The following NAALADL2 variants were observed in gnomAD, a reference collection of about 807,000 sequenced individuals.
NAALADL2 encodes the protein N-acetylated alpha-linked acidic dipeptidase like 2, also known as inactive N-acetylated-alpha-linked acidic dipeptidase-like protein 2.
A neutral mutation model predicts 87.2 loss-of-function variants in NAALADL2; 76 were observed. That is an observed-to-expected ratio of 0.87 (90% confidence interval 0.72 to 1.05). The LOEUF (loss-of-function observed/expected upper bound fraction) is 1.05. Ranked by LOEUF, NAALADL2 falls within the 50% of genes least tolerant of loss-of-function variation. The pLI is 0.00. For missense variants in NAALADL2, 1,089 were observed against 945.8 expected (o/e 1.15, Z -1.99); for synonymous variants, 354 against 331.0 (o/e 1.07, Z -0.75).
intron 1 of NAALADL2, among the ~76,000 whole-genome samples, chr3:174,478,106 T>A (rs1215381579): frequency 6.6e-6 from 1 of 152,188 alleles, no homozygotes; most frequent in Non-Finnish European, 1.5e-5. Context: ...CCAATTATGA[T>A]ACAAAATTTA....
chr3:175,089,266 C>T (rs1719634957), intron 1 of NAALADL2, among the ~76,000 whole-genome samples: 1 of 152,196 alleles, frequency 6.6e-6, no homozygotes, highest in African/African-American at 2.4e-5. Context: ...ACCCTGGAGA[C>T]TCCTGGTGCT....
intron 5 of NAALADL2, among the ~76,000 whole-genome samples, chr3:175,336,501 G>T (rs1205781852): frequency 6.6e-6 from 1 of 152,110 alleles, no homozygotes; most frequent in Non-Finnish European, 1.5e-5. Flanking sequence ...AGCTTTTGCA[G>T]ATTTTGTAGC....
At chr3:174,939,002 CTTAAGT>C (rs1738161147) in intron 1 of NAALADL2, among the ~76,000 whole-genome samples, 1 of 152,054 alleles carries the variant, frequency 6.6e-6, no homozygotes, top group South Asian at 2.1e-4. Flanking sequence ...TGCAGAAGCT[CTTAAGT>C]TTAATTAGAT....
At chr3:175,548,013 G>C (rs1173128074) in intron 9 of NAALADL2, among the ~76,000 whole-genome samples, 2 of 151,974 alleles carry the variant, frequency 1.3e-5, no homozygotes, top group African/African-American at 2.4e-5. Context: ...AAGATCTAAA[G>C]ATAGAAATAC....
At chr3:175,735,710 T>C (rs1472707827) in intron 11 of NAALADL2, among the ~76,000 whole-genome samples, 2 of 152,124 alleles carry the variant, frequency 1.3e-5, no homozygotes, top group Non-Finnish European at 1.5e-5. Context: ...GCCCCCATGA[T>C]TCAGTCATCT....
At chr3:174,987,691 A>T (rs1746124352) in intron 1 of NAALADL2, among the ~76,000 whole-genome samples, 1 of 145,708 alleles carries the variant, frequency 6.9e-6, no homozygotes, top group Admixed American at 6.9e-5. Flanking sequence ...TAGTGACGTG[A>T]TCATAGCTCA....
chr3:175,661,182 G>T (rs913653631), intron 11 of NAALADL2, among the ~76,000 whole-genome samples: 2 of 151,928 alleles, frequency 1.3e-5, no homozygotes, highest in African/African-American at 4.8e-5. Flanking sequence ...TTTGATAATA[G>T]CTATTCTAAC....
intron 9 of NAALADL2, among the ~76,000 whole-genome samples, chr3:175,502,084 A>G (rs1039274144): frequency 1.3e-5 from 2 of 152,268 alleles, no homozygotes; most frequent in Admixed American, 6.5e-5. Flanking sequence ...ATAAAAGCAC[A>G]TTGTGGGGAA....
At chr3:175,498,825 A>G (rs1729158689) in intron 9 of NAALADL2, among the ~76,000 whole-genome samples, 2 of 152,096 alleles carry the variant, frequency 1.3e-5, no homozygotes, top group African/African-American at 2.4e-5. Context: ...GTATTTAGAT[A>G]GGGTCTTTAA....
chr3:175,432,229 A>C (rs1404742279), intron 5 of NAALADL2, among the ~76,000 whole-genome samples: 1 of 152,012 alleles, frequency 6.6e-6, no homozygotes, highest in African/African-American at 2.4e-5. Context: ...TATAAAGTGT[A>C]AAAATGGAAT....
At chr3:174,537,708 A>C (rs1316263351) in intron 1 of NAALADL2, among the ~76,000 whole-genome samples, 1 of 152,194 alleles carries the variant, frequency 6.6e-6, no homozygotes, top group African/African-American at 2.4e-5. Flanking sequence ...AGAATGTGGA[A>C]GAATAATTAA....
chr3:175,050,903 A>G (rs1755297647), intron 1 of NAALADL2, among the ~76,000 whole-genome samples: 1 of 152,200 alleles, frequency 6.6e-6, no homozygotes, highest in Non-Finnish European at 1.5e-5. Flanking sequence ...GATAAGATGA[A>G]AAAACTAGGG....
intron 1 of NAALADL2, among the ~76,000 whole-genome samples, chr3:175,075,767 A>C (rs1559993185): frequency 6.6e-6 from 1 of 152,202 alleles, no homozygotes; most frequent in Non-Finnish European, 1.5e-5. Flanking sequence ...GCATGCACAA[A>C]CAAGTAAAAT....
intron 11 of NAALADL2, among the ~76,000 whole-genome samples, chr3:175,730,594 A>G (rs1743610711): frequency 6.6e-6 from 1 of 151,014 alleles, no homozygotes; most frequent in African/African-American, 2.4e-5. Flanking sequence ...TTATCTTTTG[A>G]CAATCTGATC....
intron 1 of NAALADL2, among the ~76,000 whole-genome samples, chr3:174,969,591 A>C (rs181586319): frequency 2.0e-5 from 3 of 152,328 alleles, no homozygotes; most frequent in Admixed American, 6.5e-5. Context: ...ATACAGTAAG[A>C]AAATTTTGAT....
chr3:174,485,676 A>C (rs1171148344), intron 1 of NAALADL2, among the ~76,000 whole-genome samples: 1 of 151,964 alleles, frequency 6.6e-6, no homozygotes, highest in Non-Finnish European at 1.5e-5. Context: ...TATATACTAC[A>C]TTTTATTTAT....
intron 2 of NAALADL2, among the ~76,000 whole-genome samples, chr3:174,612,870 G>C (rs1294654287): frequency 1.3e-5 from 2 of 152,100 alleles, no homozygotes; most frequent in East Asian, 1.9e-4. Flanking sequence ...TCTGTTTCTG[G>C]GCATTGAAGA....
intron 9 of NAALADL2, among the ~76,000 whole-genome samples, chr3:175,482,093 T>C (rs1291205216): frequency 6.6e-6 from 1 of 151,916 alleles, no homozygotes; most frequent in East Asian, 1.9e-4. Flanking sequence ...TATTCACTTT[T>C]CAATAAGAAA....
intron 1 of NAALADL2, among the ~76,000 whole-genome samples, chr3:174,878,456 A>G (rs1258977605): frequency 6.6e-6 from 1 of 152,122 alleles, no homozygotes; most frequent in Non-Finnish European, 1.5e-5. Flanking sequence ...GTTGCTATGA[A>G]GAATCCAAAC....
Sources: allele counts gnomAD v4.1 joint callset (sites outside exome capture counted in the v4.1 genomes callset), GRCh38; gene constraint gnomAD v4.1.1; transcripts MANE v1.5; gene names NCBI Gene and HGNC (gene_info 2026-07-23, HGNC 2026-07-21).